GPD2: variants seen among roughly 807,000 people sequenced by gnomAD.
GPD2 encodes glycerol-3-phosphate dehydrogenase, mitochondrial.
GPD2 carries 54 observed loss-of-function variants against 82.4 expected under a neutral mutation model. The ratio of observed to expected loss-of-function variants is 0.66; its 90% confidence interval spans 0.53 to 0.82. The LOEUF (loss-of-function observed/expected upper bound fraction) is 0.82. GPD2 is among the 40% of genes least tolerant of loss of function. The probability of loss-of-function intolerance (pLI) is 0.00; values close to 1 mark genes in which losing one functional copy is unlikely to be tolerated. For synonymous variants in GPD2, 288 were observed against 306.1 expected (o/e 0.94, Z 0.62); for missense variants, 748 against 896.2 (o/e 0.83, Z 2.11).
At chr2:156,437,480 T>A (rs1211388955) in intron 1 of GPD2, among the ~76,000 whole-genome samples, 2 of 152,282 alleles carry the variant, frequency 1.3e-5, no homozygotes, top group Admixed American at 6.5e-5. Flanking sequence ...CATTGCCCAA[T>A]GGAGACCGTG....
chr2:156,566,438 T>A (rs1687394081), intron 9 of GPD2, among the ~76,000 whole-genome samples: 1 of 152,144 alleles, frequency 6.6e-6, no homozygotes, highest in Non-Finnish European at 1.5e-5. Flanking sequence ...TGAGTTTGAG[T>A]ACGCCAAGTA....
intron 6 of GPD2, among the ~76,000 whole-genome samples, chr2:156,547,074 G>A (rs1021884258): frequency 2.6e-4 from 40 of 152,298 alleles, no homozygotes; most frequent in African/African-American, 9.4e-4. Context: ...ACAGTGGGAT[G>A]TAAGTTTCAC....
intron 1 of GPD2, among the ~76,000 whole-genome samples, chr2:156,468,168 T>G (rs1004485207): frequency 2.0e-5 from 3 of 152,142 alleles, no homozygotes; most frequent in Non-Finnish European, 4.4e-5. Flanking sequence ...ACACATCTAG[T>G]TCAAGCCACC....
rs2280278 is a variant in GPD2, at chr2:156,585,152, G to C, written c.*2234G>C. On this transcript the variant is annotated 3_prime_UTR_variant, in exon 17 of 17. Coordinates refer to ENST00000438166, the MANE Select transcript of GPD2 (RefSeq NM_000408.5). ...TGAACTGATTTCAAGCCGTTACTGT[G>C]AATAAAGCACCCCAGCATTTTGTAT... 0.27 allele frequency: 40,849 copies of C among 152,008 alleles called. 5,590 individuals carry two copies. Among genetic ancestry groups the C allele is most frequent in the South Asian group, 0.32 (1,560 of 4,820 alleles). 9.4% of individuals were successfully genotyped at this position (152,008 alleles called of 1,614,324 possible). A position where few individuals can be genotyped will look rare whatever the true frequency, so the allele number is the denominator to read the frequency against.
chr2:156,505,287 A>G lies in GPD2; in HGVS notation c.275-5509A>G, dbSNP rs137985120. ...AGATGAGATGATAAATGGAATATAG[A>G]TTTCAAGTTGACTTTATTCTTCTAC... On this transcript the variant is annotated intron_variant, in intron 3 of 16. Transcript: ENST00000438166. 8.0e-3 allele frequency among the ~76,000 whole-genome samples: 1,215 copies of G among 152,246 alleles called. 4 individuals carry two copies. Among genetic ancestry groups the G allele is most frequent in the Non-Finnish European group, 0.012 (793 of 67,968 alleles).
At chr2:156,404,264 G>T in the GPD2 span, among the ~76,000 whole-genome samples, 1 of 152,040 alleles carries the variant, frequency 6.6e-6, no homozygotes, top group African/African-American at 2.4e-5. Flanking sequence ...CACACCTGTA[G>T]TTCCAGCTAC....
At chr2:156,490,040 C>T (rs1684118615) in intron 2 of GPD2, among the ~76,000 whole-genome samples, 1 of 152,016 alleles carries the variant, frequency 6.6e-6, no homozygotes, top group African/African-American at 2.4e-5. Flanking sequence ...CAGATCAATC[C>T]TTCAATAAAA....
At chr2:156,553,112 C>T (rs944242606) in intron 8 of GPD2, among the ~76,000 whole-genome samples, 2 of 151,980 alleles carry the variant, frequency 1.3e-5, no homozygotes, top group African/African-American at 4.8e-5. Flanking sequence ...TGGTATCAAA[C>T]TCCTGGCCTC....
chr2:156,431,235 G>T (rs1688312896), upstream of GPD2, among the ~76,000 whole-genome samples: 1 of 152,126 alleles, frequency 6.6e-6, no homozygotes, highest in Admixed American at 6.5e-5. Context: ...CATTCTTATG[G>T]GGAAGAAGAG....
intron 1 of GPD2, among the ~76,000 whole-genome samples, chr2:156,440,853 G>A (rs912881224): frequency 3.9e-5 from 6 of 152,144 alleles, no homozygotes; most frequent in Admixed American, 6.5e-5. Context: ...AAGACCCTTC[G>A]AATCTCTGGA....
At chr2:156,407,910 C>T in the GPD2 span, among the ~76,000 whole-genome samples, 10 of 149,800 alleles carry the variant, frequency 6.7e-5, no homozygotes, top group Middle Eastern at 3.5e-3. Context: ...TGAATCCTTG[C>T]ACTTATTTAA....
intron 6 of GPD2, among the ~76,000 whole-genome samples, chr2:156,526,778 C>T (rs1043137347): frequency 6.6e-6 from 1 of 151,864 alleles, no homozygotes; most frequent in East Asian, 1.9e-4. Flanking sequence ...TTTTATAGGT[C>T]ACATTTGGAA....
chr2:156,539,380 T>C (rs1015444607), intron 6 of GPD2, among the ~76,000 whole-genome samples: 1 of 152,112 alleles, frequency 6.6e-6, no homozygotes, highest in African/African-American at 2.4e-5. Context: ...ATTCGGAGTC[T>C]CCAGCATCAG....
chr2:156,400,591 C>T, the GPD2 span, among the ~76,000 whole-genome samples: 1 of 152,202 alleles, frequency 6.6e-6, no homozygotes, highest in Non-Finnish European at 1.5e-5. Context: ...GTTGCCAGCT[C>T]GTTGCGCGAG....
intron 2 of GPD2, among the ~76,000 whole-genome samples, chr2:156,478,733 G>T (rs911956110): frequency 5.9e-5 from 9 of 152,118 alleles, no homozygotes; most frequent in African/African-American, 2.2e-4. Flanking sequence ...TGTAGAAGCT[G>T]GGGCCTTAAA....
chr2:156,493,246 G>T (rs1357520437), intron 2 of GPD2, among the ~76,000 whole-genome samples: 1 of 152,102 alleles, frequency 6.6e-6, no homozygotes, highest in East Asian at 1.9e-4. Flanking sequence ...ACAATCATTT[G>T]TGCATTTATT....
chr2:156,426,011 C>T, the GPD2 span, among the ~76,000 whole-genome samples: 1 of 151,784 alleles, frequency 6.6e-6, no homozygotes, highest in Non-Finnish European at 1.5e-5. Flanking sequence ...CAAGCTCCGC[C>T]TCCCCGGTTC....
intron 1 of GPD2, among the ~76,000 whole-genome samples, chr2:156,455,005 A>T (rs144525999): frequency 6.6e-6 from 1 of 151,934 alleles, no homozygotes; most frequent in East Asian, 1.9e-4. Flanking sequence ...CTCAGCCATG[A>T]TGGTGGTGTA....
intron 8 of GPD2, among the ~76,000 whole-genome samples, chr2:156,557,166 C>T (rs913939569): frequency 6.6e-6 from 1 of 152,096 alleles, no homozygotes; most frequent in African/African-American, 2.4e-5. Flanking sequence ...GGTAGCTCTG[C>T]TGTGGAATAT....
Sources: allele counts gnomAD v4.1 joint callset (sites outside exome capture counted in the v4.1 genomes callset), GRCh38; gene constraint gnomAD v4.1.1; transcripts MANE v1.5; gene names NCBI Gene and HGNC (gene_info 2026-07-23, HGNC 2026-07-21).